The following SEMA5A variants were observed in gnomAD, a reference collection of about 807,000 sequenced individuals.
SEMA5A encodes the protein semaphorin-5A.
Under a neutral mutation model 135.5 loss-of-function variants are expected in SEMA5A, and 55 were observed. The ratio of observed to expected loss-of-function variants is 0.41; its 90% CI spans 0.33 to 0.51. The LOEUF is 0.51. Among genes scored for constraint, SEMA5A ranks in the 20% least tolerant of loss-of-function variants. The pLI is 0.37. For missense variants in SEMA5A, 1,290 were observed against 1,419.9 expected (o/e 0.91, Z 1.47); for synonymous variants, 580 against 546.5 (o/e 1.06, Z -0.85).
intron 5 of SEMA5A, among the ~76,000 whole-genome samples, chr5:9,306,753 G>T (rs551882376): frequency 6.6e-6 from 1 of 152,246 alleles, no homozygotes; most frequent in East Asian, 1.9e-4. Context: ...TGGGTAGGGT[G>T]TCTCTTGTGT....
intron 2 of SEMA5A, among the ~76,000 whole-genome samples, chr5:9,411,550 C>T (rs552530419): frequency 6.6e-6 from 1 of 152,328 alleles, no homozygotes; most frequent in Admixed American, 6.5e-5. Flanking sequence ...CCCATCATTA[C>T]CAGGTCTCAC....
At chr5:9,237,089 G>A (rs958048478) in intron 6 of SEMA5A, among the ~76,000 whole-genome samples, 4 of 152,122 alleles carry the variant, frequency 2.6e-5, no homozygotes, top group African/African-American at 9.7e-5. Context: ...GTAACCCAAA[G>A]CATAATTCAC....
intron 11 of SEMA5A, among the ~76,000 whole-genome samples, chr5:9,164,723 A>C (rs1743511222): frequency 6.6e-6 from 1 of 152,298 alleles, no homozygotes; most frequent in African/African-American, 2.4e-5. Flanking sequence ...TTTGGGGGAA[A>C]TTCAGAGAGA....
At chr5:9,417,978 CT>C (rs113658144) in intron 2 of SEMA5A, among the ~76,000 whole-genome samples, 88,097 of 138,414 alleles carry the variant, frequency 0.64, 28,244 homozygotes, top group Middle Eastern at 0.7. Flanking sequence ...AGTGTCTCTT[CT>C]TTTTTTTTTT....
intron 10 of SEMA5A, among the ~76,000 whole-genome samples, chr5:9,196,679 G>T (rs1745403388): frequency 6.6e-6 from 1 of 152,116 alleles, no homozygotes; most frequent in African/African-American, 2.4e-5. Flanking sequence ...AACAGATGAA[G>T]GGCCTCCACC....
Position 9,226,872 on chromosome 5 carries a change from G to A in SEMA5A, c.429C>T (p.Arg143=). ...GAGGCACAAAAAGAAGCCATACCGAGCGGTTGGTGCAGACAGGCGTGAATG... is the reference window on the plus strand; with the variant it reads ...GAGGCACAAAAAGAAGCCATACCGAACGGTTGGTGCAGACAGGCGTGAATG... ...TNAFTPVCTN[R]SLSNLTEIHD... The change falls in exon 7 of 23, where the codon CGC becomes CGT. Residue 143 remains arginine (R), a synonymous_variant. Transcript: ENST00000382496. The A allele has an allele frequency of 3.1e-6, 5 of 1,602,886 alleles. No individual in the cohort carries two copies. The highest frequency in any genetic ancestry group is 4.3e-6 in the Non-Finnish European group (5 of 1,173,774).
In SEMA5A at chr5:9,391,134, TACTA is replaced by T. The variant is rs568374365; in HGVS notation, c.-77-11115_-77-11112del. 279 of 152,352 alleles carry T rather than the reference TACTA, an allele frequency of 1.8e-3. 1 individual carries two copies. The highest frequency in any genetic ancestry group is 6.3e-3 in the African/African-American group (261 of 41,570). The allele number at this position is 152,352 out of a possible 1,614,324, so 9.4% of individuals were successfully genotyped here. On this transcript the variant is annotated intron_variant, in intron 2 of 22. Coordinates refer to ENST00000382496, the MANE Select transcript of SEMA5A (RefSeq NM_003966.3). ...AAGAAATAAGCTGATGATTTATTCC[TACTA>T]ACTAACTTCTTGTCGGGCCTGAAAA...
chr5:9,281,150 C>A lies in SEMA5A; in HGVS notation c.270+37222G>T, dbSNP rs79607713. Among the ~76,000 whole-genome samples the A allele has an allele frequency of 1.0e-2, 1,521 of 152,224 alleles. 26 individuals are homozygous for A. Among genetic ancestry groups the A allele is most frequent in the African/African-American group, 0.035 (1,468 of 41,536 alleles). ...AATGATCCTGGTAGGATGGAAAATA[C>A]ACAAAAATGATACATCAGTTACTGT... On this transcript the variant is annotated intron_variant, in intron 5 of 22. Transcript: ENST00000382496.
Position 9,036,817 on chromosome 5 carries a change from A to G in SEMA5A, c.*6080T>C, listed in dbSNP as rs1020995410. On this transcript the variant is annotated 3_prime_UTR_variant, in exon 23 of 23. Coordinates refer to ENST00000382496, the MANE Select transcript of SEMA5A (RefSeq NM_003966.3). ...TAATATCCACATGAAATGATAAATGATCATCTTAAACAAGGCACTAGCAAC... is the reference window on the plus strand; with the variant it reads ...TAATATCCACATGAAATGATAAATGGTCATCTTAAACAAGGCACTAGCAAC... 29 of 152,636 alleles carry G rather than the reference A, an allele frequency of 1.9e-4. 1 individual carries two copies. Among genetic ancestry groups the G allele is most frequent in the African/African-American group, 6.8e-4 (28 of 41,458 alleles). The allele number at this position is 152,636 out of a possible 1,614,324, so 9.5% of individuals were successfully genotyped here.
At chr5:9,092,710 A>G (rs1484113735) in intron 16 of SEMA5A, among the ~76,000 whole-genome samples, 3 of 152,246 alleles carry the variant, frequency 2.0e-5, no homozygotes, top group African/African-American at 7.2e-5. Flanking sequence ...TTGAATGAGA[A>G]CACAAAATGT....
At chr5:9,077,453 G>A (rs974905344) in intron 16 of SEMA5A, among the ~76,000 whole-genome samples, 22 of 152,186 alleles carry the variant, frequency 1.4e-4, no homozygotes, top group East Asian at 7.7e-4. Flanking sequence ...CAATAGAAAC[G>A]TTTTGAAAAA....
intron 2 of SEMA5A, among the ~76,000 whole-genome samples, chr5:9,435,564 A>T (rs1455386920): frequency 6.6e-6 from 1 of 152,166 alleles, no homozygotes; most frequent in Non-Finnish European, 1.5e-5. Context: ...TCCAAGATAA[A>T]TTGCACTGTG....
intron 2 of SEMA5A, among the ~76,000 whole-genome samples, chr5:9,401,916 C>T (rs149483091): frequency 1.3e-5 from 2 of 152,304 alleles, no homozygotes; most frequent in African/African-American, 4.8e-5. Flanking sequence ...AAATCAAACA[C>T]AAGTTTGTAC....
chr5:9,143,967 A>G (rs372124774), intron 12 of SEMA5A, among the ~76,000 whole-genome samples: 5 of 152,362 alleles, frequency 3.3e-5, no homozygotes, highest in African/African-American at 1.2e-4. Flanking sequence ...AAGGAGGCAC[A>G]GGGTGTTTCA....
At chr5:9,314,975 A>G (rs1056740632) in intron 5 of SEMA5A, among the ~76,000 whole-genome samples, 1 of 152,184 alleles carries the variant, frequency 6.6e-6, no homozygotes, top group African/African-American at 2.4e-5. Context: ...CAGCTCATCA[A>G]TCCCATCAAT....
chr5:9,454,299 C>T (rs973406097), intron 1 of SEMA5A, among the ~76,000 whole-genome samples: 3 of 152,158 alleles, frequency 2.0e-5, no homozygotes, highest in African/African-American at 7.2e-5. Context: ...AGATAATGAT[C>T]TTTGTTCTCC....
At chr5:9,200,457 C>T (rs1745644068) in intron 9 of SEMA5A, among the ~76,000 whole-genome samples, 1 of 152,150 alleles carries the variant, frequency 6.6e-6, no homozygotes, top group African/African-American at 2.4e-5. Flanking sequence ...TGAGCAAATG[C>T]ACATTTATCT....
chr5:9,504,852 A>C (rs1355386924), intron 1 of SEMA5A, among the ~76,000 whole-genome samples: 2 of 152,264 alleles, frequency 1.3e-5, no homozygotes, highest in Non-Finnish European at 2.9e-5. Flanking sequence ...CAAGGGCCAA[A>C]GCATCGGGTT....
chr5:9,269,399 C>A (rs1445562432), intron 5 of SEMA5A, among the ~76,000 whole-genome samples: 1 of 152,126 alleles, frequency 6.6e-6, no homozygotes, highest in African/African-American at 2.4e-5. Flanking sequence ...ATGGAGATGG[C>A]TATGGAATTC....
Sources: gnomAD v4.1 joint callset for allele counts (sites outside exome capture counted in the v4.1 genomes callset) on GRCh38, gnomAD v4.1.1 for gene constraint, MANE v1.5 for transcripts, NCBI Gene and HGNC (gene_info 2026-07-23, HGNC 2026-07-21) for gene names.